The following STAU2 variants were observed in gnomAD, a reference collection of about 807,000 sequenced individuals.
The protein encoded by STAU2 is double-stranded RNA-binding protein Staufen homolog 2.
A neutral mutation model predicts 65.9 loss-of-function variants in STAU2; 20 were observed. The ratio of observed to expected loss-of-function variants is 0.30; its 90% CI spans 0.21 to 0.44. The LOEUF (loss-of-function observed/expected upper bound fraction) is 0.44. STAU2 is among the 20% of genes least tolerant of loss of function. The probability of loss-of-function intolerance (pLI) is 1.00; values close to 1 mark genes in which losing one functional copy is unlikely to be tolerated. For synonymous variants in STAU2, 232 were observed against 233.9 expected, an observed-to-expected ratio of 0.99 and a Z score of 0.07; for missense variants, 558 against 683.9, an observed-to-expected ratio of 0.82 and a Z score of 2.05.
intron 13 of STAU2, among the ~76,000 whole-genome samples, chr8:73,455,294 G>A (rs988166358): frequency 2.6e-5 from 4 of 152,128 alleles, no homozygotes; most frequent in Non-Finnish European, 4.4e-5. Context: ...GGAAGGAGAG[G>A]TTGTGAGATT....
At chr8:73,423,508 G>C (rs1247410791) in intron 13 of STAU2, among the ~76,000 whole-genome samples, 1 of 152,162 alleles carries the variant, frequency 6.6e-6, no homozygotes, top group Non-Finnish European at 1.5e-5. Context: ...GAGATTGGAA[G>C]GGCTCTGCTG....
chr8:73,668,269 G>C (rs1279223876), intron 6 of STAU2, among the ~76,000 whole-genome samples: 1 of 152,178 alleles, frequency 6.6e-6, no homozygotes, highest in Admixed American at 6.6e-5. Context: ...TAGAAAGAGA[G>C]AAATAGAAAA....
intron 6 of STAU2, among the ~76,000 whole-genome samples, chr8:73,641,756 T>C (rs567019952): frequency 1.3e-5 from 2 of 152,330 alleles, no homozygotes; most frequent in East Asian, 3.9e-4. Context: ...CTTATTAACA[T>C]CCAAAAAAAC....
chr8:73,682,834 C>A (rs1818527823), intron 5 of STAU2, among the ~76,000 whole-genome samples: 1 of 152,082 alleles, frequency 6.6e-6, no homozygotes, highest in South Asian at 2.1e-4. Flanking sequence ...CTACTATGAA[C>A]ACCTTTACAC....
intron 13 of STAU2, among the ~76,000 whole-genome samples, chr8:73,546,137 T>TC (rs1806915405): frequency 7.2e-6 from 1 of 138,852 alleles, no homozygotes; most frequent in African/African-American, 2.7e-5. Flanking sequence ...TTTTTTTTTT[T>TC]TTTTTTTTTG....
chr8:73,687,404 T>TA (rs2130514174), intron 5 of STAU2, among the ~76,000 whole-genome samples: 1 of 118,758 alleles, frequency 8.4e-6, no homozygotes, highest in South Asian at 2.5e-4. Context: ...AATATATTTA[T>TA]ATTTAAATTA....
chr8:73,605,904 C>T (rs1206793167), intron 9 of STAU2, among the ~76,000 whole-genome samples: 5 of 147,686 alleles, frequency 3.4e-5, no homozygotes, highest in African/African-American at 1.0e-4. Context: ...CACACACACA[C>T]ACACACACAC....
At chr8:73,687,868 T>G (rs186649131) in intron 5 of STAU2, among the ~76,000 whole-genome samples, 10 of 151,808 alleles carry the variant, frequency 6.6e-5, no homozygotes, top group Admixed American at 3.3e-4. Context: ...CCCGCCACCA[T>G]GTCCAGCTAA....
chr8:73,628,888 A>G (rs1813885240), intron 6 of STAU2, among the ~76,000 whole-genome samples: 1 of 152,152 alleles, frequency 6.6e-6, no homozygotes, highest in Non-Finnish European at 1.5e-5. Flanking sequence ...CCAGGCATCT[A>G]CTCCAGTGCT....
At chr8:73,715,451 C>CAAAAAAAAAAAAAA (rs35959123) in intron 3 of STAU2, among the ~76,000 whole-genome samples, 1 of 123,870 alleles carries the variant, frequency 8.1e-6, no homozygotes, top group African/African-American at 3.2e-5. Flanking sequence ...GTGAGACTGT[C>CAAAAAAAAAAAAAA]AAAAAAAAAA....
chr8:73,505,750 C>T (rs948990784), intron 13 of STAU2, among the ~76,000 whole-genome samples: 19 of 152,026 alleles, frequency 1.2e-4, no homozygotes, highest in African/African-American at 3.4e-4. Flanking sequence ...TCTTCTGATA[C>T]GGTGTGGATG....
chr8:73,488,046 G>A (rs1188490601), intron 13 of STAU2, among the ~76,000 whole-genome samples: 1 of 151,958 alleles, frequency 6.6e-6, no homozygotes, highest in African/African-American at 2.4e-5. Flanking sequence ...TTGTTTAGTG[G>A]CATACAGTTT....
At chr8:73,573,626 A>G (rs150799317) in intron 12 of STAU2, among the ~76,000 whole-genome samples, 5,721 of 152,334 alleles carry the variant, frequency 0.038, 314 homozygotes, top group Admixed American at 0.15. Flanking sequence ...GATCTTTGAC[A>G]AACCTGCCAA....
At chr8:73,465,334 C>T (rs1012021207) in intron 13 of STAU2, among the ~76,000 whole-genome samples, 1 of 152,134 alleles carries the variant, frequency 6.6e-6, no homozygotes, top group Non-Finnish European at 1.5e-5. Context: ...CATTTTTTAC[C>T]ACAGTTCCTT....
intron 12 of STAU2, among the ~76,000 whole-genome samples, chr8:73,571,938 A>C (rs1809124173): frequency 6.6e-6 from 1 of 151,646 alleles, no homozygotes; most frequent in African/African-American, 2.4e-5. Context: ...AAAACCCTTC[A>C]AAAAAAATCA....
intron 13 of STAU2, among the ~76,000 whole-genome samples, chr8:73,544,952 T>C (rs543456792): frequency 5.3e-4 from 81 of 152,316 alleles, no homozygotes; most frequent in Non-Finnish European, 1.0e-3. Context: ...GTCCAAAGTT[T>C]AGCATGTTTA....
At chr8:73,566,348 A>C (rs953630322) in intron 12 of STAU2, among the ~76,000 whole-genome samples, 10 of 152,330 alleles carry the variant, frequency 6.6e-5, no homozygotes, top group African/African-American at 2.4e-4. Context: ...ATAATAGTTA[A>C]AACAAACATT....
At chr8:73,732,636 C>T (rs1806146554) in intron 3 of STAU2, 1 of 152,148 alleles carries the variant, frequency 6.6e-6, no homozygotes, top group South Asian at 2.1e-4. Flanking sequence ...GAGCTCCACA[C>T]CCAGTCTTGG....
At chr8:73,646,935 C>CCACACACACACACACACACACACACA (rs1365707962) in intron 6 of STAU2, among the ~76,000 whole-genome samples, 1 of 89,326 alleles carries the variant, frequency 1.1e-5, no homozygotes, top group African/African-American at 4.3e-5. Flanking sequence ...AGACACACAG[C>CCACACACACACACACACACACACACA]CAGACACACA....
Sources: gnomAD v4.1 joint callset for allele counts (sites outside exome capture counted in the v4.1 genomes callset) on GRCh38, gnomAD v4.1.1 for gene constraint, MANE v1.5 for transcripts, NCBI Gene and HGNC (gene_info 2026-07-23, HGNC 2026-07-21) for gene names.